SLC1A1: variants seen among roughly 807,000 people sequenced by gnomAD.
SLC1A1 encodes excitatory amino acid transporter 3.
Under a neutral mutation model 53.3 loss-of-function variants are expected in SLC1A1, and 43 were observed. The observed-to-expected ratio is 0.81, with a 90% confidence interval of 0.63 to 1.04. The LOEUF (loss-of-function observed/expected upper bound fraction) is 1.04. Among genes scored for constraint, SLC1A1 ranks in the 50% least tolerant of loss-of-function variants. The probability of loss-of-function intolerance (pLI) is 0.00; values close to 1 mark genes in which losing one functional copy is unlikely to be tolerated. For missense variants in SLC1A1, 748 were observed against 664.9 expected, an observed-to-expected ratio of 1.12 and a Z score of -1.37; for synonymous variants, 307 against 243.2, an observed-to-expected ratio of 1.26 and a Z score of -2.44.
intron 1 of SLC1A1, among the ~76,000 whole-genome samples, chr9:4,527,485 G>T (rs774830791): frequency 7.2e-5 from 11 of 152,084 alleles, no homozygotes; most frequent in Non-Finnish European, 1.5e-4. Context: ...TTTTGTTATG[G>T]CATTGATTAT....
Sources: gnomAD v4.1 joint callset for allele counts (sites outside exome capture counted in the v4.1 genomes callset) on GRCh38, gnomAD v4.1.1 for gene constraint, MANE v1.5 for transcripts, NCBI Gene and HGNC (gene_info 2026-07-23, HGNC 2026-07-21) for gene names.